Variants in ARRB1 observed in about 807,000 individuals in gnomAD.
ARRB1 encodes the protein beta-arrestin-1.
In ARRB1, 21 loss-of-function variants were observed where a neutral mutation model predicts 56.8. The observed-to-expected ratio is 0.37, with a 90% CI of 0.26 to 0.53. The LOEUF (loss-of-function observed/expected upper bound fraction) is 0.53. Among genes scored for constraint, ARRB1 ranks in the 20% least tolerant of loss-of-function variants. ARRB1 has a pLI of 0.88. For synonymous variants in ARRB1, 210 were observed against 218.6 expected, an observed-to-expected ratio of 0.96 and a Z score of 0.35; for missense variants, 424 against 553.7, an observed-to-expected ratio of 0.77 and a Z score of 2.35.
chr11:75,325,380 G>A (rs1156733301), intron 1 of ARRB1, among the ~76,000 whole-genome samples: 2 of 152,328 alleles, frequency 1.3e-5, no homozygotes, highest in African/African-American at 2.4e-5. Flanking sequence ...GGAGTGCAGT[G>A]GCACAATCTC....
chr11:75,313,669 C>T (rs867072993), intron 1 of ARRB1, among the ~76,000 whole-genome samples: 2 of 151,930 alleles, frequency 1.3e-5, no homozygotes, highest in African/African-American at 2.4e-5. Context: ...GAGTGTTTGC[C>T]GGATTAACTG....
At chr11:75,331,081 G>A (rs1245382534) in intron 1 of ARRB1, among the ~76,000 whole-genome samples, 2 of 152,176 alleles carry the variant, frequency 1.3e-5, no homozygotes, top group African/African-American at 2.4e-5. Context: ...GCGCGATCTC[G>A]GCTTACCGCA....
intron 4 of ARRB1, 65 bp downstream of exon 4, chr11:75,284,170 T>C: frequency 2.0e-6 from 3 of 1,510,066 alleles, no homozygotes; most frequent in Middle Eastern, 1.9e-4. Flanking sequence ...GGAGTTCCTA[T>C]GCTAGAGGTC....
intron 1 of ARRB1, among the ~76,000 whole-genome samples, chr11:75,298,091 T>TG (rs1407679036): frequency 2.6e-4 from 11 of 42,988 alleles, no homozygotes; most frequent in Admixed American, 6.0e-4. Context: ...AAGAGAATAT[T>TG]GGGGGGTGGG....
chr11:75,335,578 C>G (rs1361271670), intron 1 of ARRB1, among the ~76,000 whole-genome samples: 1 of 111,222 alleles, frequency 9.0e-6, no homozygotes, highest in Non-Finnish European at 1.8e-5. Context: ...GAGCCAGGCC[C>G]TGTCCCTGTC....
At chr11:75,287,432 CCT>C in intron 2 of ARRB1, 57 bp from the exon 3 acceptor site, 1 of 1,532,614 alleles carries the variant, frequency 6.5e-7, no homozygotes, top group Non-Finnish European at 8.8e-7. Context: ...GACACAGGAC[CCT>C]GTCTTGGAGG....
chr11:75,289,591 A>G (rs1171799364), intron 2 of ARRB1, among the ~76,000 whole-genome samples: 1 of 152,112 alleles, frequency 6.6e-6, no homozygotes, highest in Non-Finnish European at 1.5e-5. Context: ...TGGCATCTGG[A>G]CCTGCAAGGA....
At chr11:75,341,966 A>C (rs973191781) in intron 1 of ARRB1, among the ~76,000 whole-genome samples, 1 of 152,090 alleles carries the variant, frequency 6.6e-6, no homozygotes, top group African/African-American at 2.4e-5. Flanking sequence ...ACTGCTGCTC[A>C]CGCCCTCTCC....
chr11:75,304,544 T>TCTGGAG (rs1175503892), intron 1 of ARRB1, among the ~76,000 whole-genome samples: 6 of 151,630 alleles, frequency 4.0e-5, no homozygotes, highest in South Asian at 2.1e-4. Context: ...TTTTGTGAGG[T>TCTGGAG]AGTTGTTAAA....
chr11:75,271,160 C>T (rs1946067624), intron 13 of ARRB1: 1 of 152,332 alleles, frequency 6.6e-6, no homozygotes, highest in Admixed American at 6.5e-5. Flanking sequence ...GAATGAATTT[C>T]ACCTGTCAAA....
intron 1 of ARRB1, among the ~76,000 whole-genome samples, chr11:75,290,365 T>C (rs1405336589): frequency 1.3e-5 from 2 of 152,206 alleles, no homozygotes; most frequent in African/African-American, 4.8e-5. Flanking sequence ...CTGTGTGATC[T>C]ACCCTCACCT....
chr11:75,282,500 C>T (rs915109385), intron 5 of ARRB1, among the ~76,000 whole-genome samples: 27 of 152,166 alleles, frequency 1.8e-4, no homozygotes, highest in African/African-American at 5.5e-4. Flanking sequence ...GACTCAACGG[C>T]CACTGCTGGC....
At chr11:75,296,704 G>A (rs1181581694) in intron 1 of ARRB1, among the ~76,000 whole-genome samples, 1 of 151,656 alleles carries the variant, frequency 6.6e-6, no homozygotes, top group East Asian at 1.9e-4. Context: ...TTGAGATGGA[G>A]TCTCACTCTG....
intron 1 of ARRB1, among the ~76,000 whole-genome samples, chr11:75,314,584 C>T (rs1947229116): frequency 6.6e-6 from 1 of 152,120 alleles, no homozygotes; most frequent in South Asian, 2.1e-4. Context: ...AACTGAACCT[C>T]TGACTCTCGT....
intron 1 of ARRB1, among the ~76,000 whole-genome samples, chr11:75,341,980 C>T (rs1947699106): frequency 6.6e-6 from 1 of 152,190 alleles, no homozygotes; most frequent in Admixed American, 6.5e-5. Context: ...CCTCTCCCCT[C>T]CTAACGAGAG....
At chr11:75,283,196 G>A in intron 5 of ARRB1, 91 bp downstream of exon 5, 1 of 1,353,756 alleles carries the variant, frequency 7.4e-7, no homozygotes, top group East Asian at 2.3e-5. Context: ...GCAGGGAGCA[G>A]CTGACCCTCA....
intron 1 of ARRB1, among the ~76,000 whole-genome samples, chr11:75,301,309 C>T (rs1332511678): frequency 6.6e-6 from 1 of 152,132 alleles, no homozygotes; most frequent in Non-Finnish European, 1.5e-5. Flanking sequence ...GGAGTGTGCC[C>T]CAAGTGCCTG....
At chr11:75,267,523 G>A (rs1945952463) in intron 15 of ARRB1, 129 bp downstream of exon 15, 2 of 909,734 alleles carry the variant, frequency 2.2e-6, no homozygotes, top group Admixed American at 2.1e-5. Flanking sequence ...GGCGAGCAGA[G>A]GTGGCTCTCA....
intron 1 of ARRB1, among the ~76,000 whole-genome samples, chr11:75,309,804 G>T (rs890530044): frequency 6.6e-6 from 1 of 152,164 alleles, no homozygotes; most frequent in South Asian, 2.1e-4. Flanking sequence ...TTGCAGATAA[G>T]GTGGGCACAG....
Sources: allele counts gnomAD v4.1 joint callset (sites outside exome capture counted in the v4.1 genomes callset), GRCh38; gene constraint gnomAD v4.1.1; transcripts MANE v1.5; gene names NCBI Gene and HGNC (gene_info 2026-07-23, HGNC 2026-07-21).